Variants in GBE1 observed in about 807,000 individuals in gnomAD.
GBE1 encodes 1,4-alpha-glucan-branching enzyme.
Under a neutral mutation model 88.8 loss-of-function variants are expected in GBE1, and 70 were observed. The ratio of observed to expected loss-of-function variants is 0.79; its 90% CI spans 0.65 to 0.96. The LOEUF is 0.96. Among genes scored for constraint, GBE1 ranks in the 40% least tolerant of loss-of-function variants. The pLI, the probability that GBE1 is intolerant of heterozygous loss-of-function variation, is 0.00. For missense variants in GBE1, 872 were observed against 871.0 expected, an observed-to-expected ratio of 1.00 and a Z score of -0.01; for synonymous variants, 284 against 300.1, an observed-to-expected ratio of 0.95 and a Z score of 0.56.
chr3:81,618,091 C>T (rs1282717556), intron 7 of GBE1, among the ~76,000 whole-genome samples: 3 of 151,820 alleles, frequency 2.0e-5, no homozygotes, highest in East Asian at 1.9e-4. Flanking sequence ...TGTATTTAGC[C>T]GTACTTTTAC....
intron 1 of GBE1, among the ~76,000 whole-genome samples, chr3:81,756,764 C>T (rs889582663): frequency 2.0e-5 from 3 of 152,228 alleles, no homozygotes; most frequent in Middle Eastern, 6.8e-3. Context: ...AATGCTTAGG[C>T]AGAAGCAATA....
chr3:81,643,097 C>A, intron 6 of GBE1, 107 bp from the exon 7 acceptor site: 1 of 744,734 alleles, frequency 1.3e-6, no homozygotes, highest in Non-Finnish European at 2.3e-6. Context: ...TTTAAATATC[C>A]AAACAGCATG....
rs543947168 is a variant in GBE1, at chr3:81,721,981, A to G, written c.144-16368T>C. 3.2e-4 allele frequency among the ~76,000 whole-genome samples: 49 copies of G among 152,360 alleles called. 3 individuals are homozygous for G. In the South Asian group the frequency reaches 7.4e-3, roughly 23 times the overall value. On this transcript the variant is annotated intron_variant, in intron 1 of 15. Coordinates refer to ENST00000429644, the MANE Select transcript of GBE1 (RefSeq NM_000158.4). ...GCTACTTTACTAAGGGCACTCAGCA[A>G]GTTATTAGCAGAACCAGAATTTTAA...
intron 7 of GBE1, among the ~76,000 whole-genome samples, chr3:81,610,904 A>G (rs1328585133): frequency 6.6e-6 from 1 of 152,094 alleles, no homozygotes; most frequent in African/African-American, 2.4e-5. Flanking sequence ...ACCTTCATTC[A>G]CTAACTACAG....
intron 9 of GBE1, among the ~76,000 whole-genome samples, chr3:81,586,966 A>G (rs1032080412): frequency 2.6e-5 from 4 of 151,838 alleles, no homozygotes; most frequent in Admixed American, 1.3e-4. Flanking sequence ...TATTTTTTAT[A>G]TTTTTGATAG....
chr3:81,645,554 G>A lies in GBE1; in HGVS notation c.782+838C>T, dbSNP rs115706283. Reference sequence around the variant, plus strand: ...AGGAAAGAACCAGAGTGGAGGATTTGGAGACAGTATTATAGATAACTTATT... The same window carrying A: ...AGGAAAGAACCAGAGTGGAGGATTTAGAGACAGTATTATAGATAACTTATT... On this transcript the variant is annotated intron_variant, in intron 6 of 15. Coordinates refer to ENST00000429644, the MANE Select transcript of GBE1 (RefSeq NM_000158.4). Among the ~76,000 whole-genome samples the A allele has an allele frequency of 4.1e-3, 625 of 152,266 alleles. 8 individuals carry two copies. The highest frequency in any genetic ancestry group is 0.014 in the Middle Eastern group (4 of 294).
At chr3:81,742,513 A>G (rs1706362838) in intron 1 of GBE1, among the ~76,000 whole-genome samples, 1 of 152,180 alleles carries the variant, frequency 6.6e-6, no homozygotes, top group South Asian at 2.1e-4. Flanking sequence ...TGAACCAAAT[A>G]ATATCAAAGA....
At position 81,524,072 on chromosome 3, in the gene GBE1, C is replaced by T. The variant is rs550583416; in HGVS notation, c.1934+11123G>A. On this transcript the variant is annotated intron_variant, in intron 14 of 15. Coordinates refer to ENST00000429644, the MANE Select transcript of GBE1 (RefSeq NM_000158.4). ...ATTTTTAGCTTTTCTGAGTAATCTCCATACTGTTCTCCATACTGGCTGTAC... is the reference window on the plus strand; with the variant it reads ...ATTTTTAGCTTTTCTGAGTAATCTCTATACTGTTCTCCATACTGGCTGTAC... Among the ~76,000 whole-genome samples the T allele has an allele frequency of 3.3e-5, 5 of 151,892 alleles. No individual in the cohort carries two copies. In the South Asian group the frequency reaches 1.0e-3, roughly 32 times the overall value.
chr3:81,717,754 C>G (rs1005103727), intron 1 of GBE1, among the ~76,000 whole-genome samples: 7 of 151,974 alleles, frequency 4.6e-5, no homozygotes, highest in African/African-American at 1.7e-4. Flanking sequence ...TTCTTTGATT[C>G]TTATTTGGGT....
At chr3:81,559,262 A>G (rs1441313719) in intron 12 of GBE1, among the ~76,000 whole-genome samples, 1 of 152,034 alleles carries the variant, frequency 6.6e-6, no homozygotes, top group Non-Finnish European at 1.5e-5. Context: ...CCCTAAAAGA[A>G]AAATTTACAC....
rs34642597 is a variant in GBE1, at chr3:81,726,585, CTT to C, written c.144-20974_144-20973del. Among the ~76,000 whole-genome samples the C allele has an allele frequency of 1.8e-4, 25 of 138,592 alleles. No homozygotes were observed. In the East Asian group the frequency reaches 2.9e-3, roughly 16 times the overall value. 90.9% of individuals were successfully genotyped at this position (138,592 alleles called of 152,430 possible). A position where few individuals can be genotyped will look rare whatever the true frequency, so the allele number is the denominator to read the frequency against. ...AATATGGCATCTTTGATATTGCAGA[CTT>C]TTTTTTTTTTTTTGAGATGGAGTCT... On this transcript the variant is annotated intron_variant, in intron 1 of 15. Transcript: ENST00000429644.
At chr3:81,552,786 T>C (rs1011137206) in intron 12 of GBE1, among the ~76,000 whole-genome samples, 2 of 152,166 alleles carry the variant, frequency 1.3e-5, no homozygotes, top group Non-Finnish European at 2.9e-5. Context: ...AAATGAAATG[T>C]AAAATAATCA....
chr3:81,530,311 A>C (rs1207549970), intron 14 of GBE1, among the ~76,000 whole-genome samples: 1 of 148,606 alleles, frequency 6.7e-6, no homozygotes, highest in Non-Finnish European at 1.5e-5. Context: ...TATCTCTGTC[A>C]CTCCAGGATT....
intron 1 of GBE1, among the ~76,000 whole-genome samples, chr3:81,747,017 A>T (rs1442147873): frequency 6.6e-6 from 1 of 152,232 alleles, no homozygotes; most frequent in East Asian, 1.9e-4. Flanking sequence ...GATCATTAAA[A>T]GGAAGCAAAC....
At chr3:81,517,582 A>T (rs1702813433) in intron 14 of GBE1, among the ~76,000 whole-genome samples, 1 of 151,390 alleles carries the variant, frequency 6.6e-6, no homozygotes, top group Non-Finnish European at 1.5e-5. Flanking sequence ...AAATACTTTC[A>T]GAGTGCAGGA....
intron 14 of GBE1, among the ~76,000 whole-genome samples, chr3:81,508,630 A>G (rs1702685575): frequency 6.6e-6 from 1 of 152,202 alleles, no homozygotes. Context: ...CTCTGGGAAC[A>G]GCCTTCAATG....
Position 81,642,650 on chromosome 3 carries a change from A to G in GBE1, c.992+131T>C, listed in dbSNP as rs867328355. 59 of 652,550 alleles carry G rather than the reference A, an allele frequency of 9.0e-5. No homozygotes were observed. In the African/African-American group the frequency reaches 1.1e-3, roughly 12 times the overall value. 40.4% of individuals were successfully genotyped at this position (652,550 alleles called of 1,614,324 possible). A position where few individuals can be genotyped will look rare whatever the true frequency, so the allele number is the denominator to read the frequency against. On this transcript the variant is annotated intron_variant, in intron 7 of 15. Coordinates refer to ENST00000429644, the MANE Select transcript of GBE1 (RefSeq NM_000158.4). ...CAAAACAAGGTAAAATCCCCTGTAC[A>G]ACAAAAATAAATCCAATTAAGAACA...
chr3:81,515,178 T>G (rs1349106064), intron 14 of GBE1, among the ~76,000 whole-genome samples: 1 of 151,576 alleles, frequency 6.6e-6, no homozygotes, highest in Non-Finnish European at 1.5e-5. Context: ...GTAGCAACGC[T>G]GCATCCAGCA....
rs1236075865 is a variant in GBE1 at position 81,720,360 on chromosome 3, GTGTATATATA to G, written c.144-14757_144-14748del. On this transcript the variant is annotated intron_variant, in intron 1 of 15. Coordinates refer to ENST00000429644, the MANE Select transcript of GBE1 (RefSeq NM_000158.4). Reference sequence around the variant, plus strand: ...TGTGTGTATGTGTATGTGTGTGTGTGTGTATATATATATATATATATCTTATATACACAAA... The same window carrying G: ...TGTGTGTATGTGTATGTGTGTGTGTGTATATATATATCTTATATACACAAA... Among the ~76,000 whole-genome samples the G allele has an allele frequency of 7.5e-5, 11 of 145,768 alleles. No homozygotes were observed. The East Asian group carries it at 1.2e-3, about 16-fold the overall frequency.
Sources: gnomAD v4.1 joint callset for allele counts (sites outside exome capture counted in the v4.1 genomes callset) on GRCh38, gnomAD v4.1.1 for gene constraint, MANE v1.5 for transcripts, NCBI Gene and HGNC (gene_info 2026-07-23, HGNC 2026-07-21) for gene names.